The following SEC14L1 variants were observed in gnomAD, a reference collection of about 807,000 sequenced individuals.
SEC14L1 encodes the protein SEC14-like protein 1.
SEC14L1 carries 48 observed loss-of-function variants against 85.3 expected under a neutral mutation model. The ratio of observed to expected loss-of-function variants is 0.56; its 90% CI spans 0.45 to 0.72. The LOEUF (loss-of-function observed/expected upper bound fraction) is 0.72, where lower values mean the gene tolerates loss of function less well. Among genes scored for constraint, SEC14L1 ranks in the 30% least tolerant of loss-of-function variants. The pLI is 0.00. For synonymous variants in SEC14L1, 391 were observed against 355.5 expected (o/e 1.10, Z -1.12); for missense variants, 682 against 921.4 (o/e 0.74, Z 3.36).
At chr17:77,103,342 A>G (rs1598220464) in intron 3 of SEC14L1, among the ~76,000 whole-genome samples, 1 of 150,590 alleles carries the variant, frequency 6.6e-6, no homozygotes, top group African/African-American at 2.4e-5. Context: ...AGAACTCCTG[A>G]CCTCAGGTGA....
chr17:77,209,757 G>T, intron 14 of SEC14L1: 2 of 303,600 alleles, frequency 6.6e-6, no homozygotes, highest in South Asian at 7.4e-5. Context: ...CACAGAGATA[G>T]GAATAGCTAA....
intron 3 of SEC14L1, among the ~76,000 whole-genome samples, chr17:77,110,746 T>A (rs1169069853): frequency 6.6e-6 from 1 of 150,926 alleles, no homozygotes; most frequent in Non-Finnish European, 1.5e-5. Context: ...TAACTGGGCG[T>A]GTTGGCAGGC....
chr17:77,139,777 C>T (rs1972918798), upstream of SEC14L1, among the ~76,000 whole-genome samples: 1 of 152,064 alleles, frequency 6.6e-6, no homozygotes, highest in Non-Finnish European at 1.5e-5. Context: ...AGATTACAGG[C>T]GTGAGCCACC....
chr17:77,193,613 T>C (rs1029675043), intron 6 of SEC14L1, 64 bp downstream of exon 6: 2 of 1,528,866 alleles, frequency 1.3e-6, no homozygotes, highest in Non-Finnish European at 1.8e-6. Flanking sequence ...ACCATCTTTT[T>C]GGAAGGCTGG....
chr17:77,199,763 A>G (rs763578966), intron 8 of SEC14L1, among the ~76,000 whole-genome samples: 2 of 152,238 alleles, frequency 1.3e-5, no homozygotes, highest in Non-Finnish European at 2.9e-5. Flanking sequence ...ATGAAATACT[A>G]TAAAGATTAT....
At chr17:77,098,426 G>A (rs1351342537) in intron 3 of SEC14L1, among the ~76,000 whole-genome samples, 2 of 152,030 alleles carry the variant, frequency 1.3e-5, no homozygotes, top group Non-Finnish European at 2.9e-5. Flanking sequence ...CAGAACCCAG[G>A]AGGCAGAGGT....
intron 7 of SEC14L1, among the ~76,000 whole-genome samples, chr17:77,195,381 C>T (rs1017487273): frequency 6.6e-6 from 1 of 151,748 alleles, no homozygotes; most frequent in Non-Finnish European, 1.5e-5. Context: ...TGCAGTGGTG[C>T]CATCTTGGCT....
chr17:77,204,829 A>G (rs934308231), intron 10 of SEC14L1, among the ~76,000 whole-genome samples: 13 of 152,150 alleles, frequency 8.5e-5, no homozygotes, highest in African/African-American at 2.9e-4. Context: ...CTTTATCTAC[A>G]GGGGAGGGGT....
intron 3 of SEC14L1, among the ~76,000 whole-genome samples, chr17:77,133,330 T>A (rs1449241326): frequency 2.0e-5 from 3 of 152,210 alleles, no homozygotes; most frequent in Non-Finnish European, 2.9e-5. Context: ...TACCTCAGGT[T>A]AATCCTGCCG....
Position 77,215,073 on chromosome 17 carries a change from G to A in SEC14L1, c.*1050G>A. ...ATTGTGGACTCATGCGTGTGTGTGTGTGCATGTGCTGTGTGTGTGCATGTG... is the reference window on the plus strand; with the variant it reads ...ATTGTGGACTCATGCGTGTGTGTGTATGCATGTGCTGTGTGTGTGCATGTG... On this transcript the variant is annotated 3_prime_UTR_variant, in exon 17 of 17. Coordinates refer to ENST00000436233, the MANE Select transcript of SEC14L1 (RefSeq NM_001143998.2). 5.2e-6 allele frequency: 5 copies of A among 953,884 alleles called. No individual in the cohort carries two copies. The highest frequency in any genetic ancestry group is 6.2e-6 in the Non-Finnish European group (5 of 801,204). The allele number at this position is 953,884 out of a possible 1,614,324, so 59.1% of individuals were successfully genotyped here.
At chr17:77,186,157 C>CT (rs1975257156) in intron 3 of SEC14L1, among the ~76,000 whole-genome samples, 2 of 152,138 alleles carry the variant, frequency 1.3e-5, no homozygotes. Context: ...TCCATCCCAG[C>CT]TCCTGGAGAG....
At chr17:77,170,292 A>G (rs1042575555) in intron 3 of SEC14L1, among the ~76,000 whole-genome samples, 1 of 152,056 alleles carries the variant, frequency 6.6e-6, no homozygotes, top group African/African-American at 2.4e-5. Context: ...TCTGGAGAGG[A>G]TGGTGCTCTT....
intron 3 of SEC14L1, among the ~76,000 whole-genome samples, chr17:77,127,663 T>C (rs1197956041): frequency 1.3e-5 from 2 of 152,156 alleles, no homozygotes; most frequent in African/African-American, 2.4e-5. Context: ...GGGTTTTTTT[T>C]CTAACCAGCT....
At chr17:77,207,736 G>GCCA (rs1976540315) in intron 13 of SEC14L1, among the ~76,000 whole-genome samples, 1 of 152,172 alleles carries the variant, frequency 6.6e-6, no homozygotes, top group South Asian at 2.1e-4. Flanking sequence ...ACAGGCATGA[G>GCCA]CCACCATGCC....
rs558225242 is a variant in SEC14L1, at chr17:77,207,274, C to T, written c.1476+412C>T. On this transcript the variant is annotated intron_variant, in intron 13 of 16. Transcript: ENST00000436233. ...ATGGAGACAGGGTCCGGCTCTGTCA[C>T]CCAGGCTGGAGTGCAGTGGTGCGAT... is the stretch of plus-strand genomic sequence containing the variant. 3.4e-5 allele frequency among the ~76,000 whole-genome samples: 5 copies of T among 148,114 alleles called. No individual in the cohort carries two copies. The East Asian group carries it at 1.1e-3, about 31-fold the overall frequency.
Position 77,216,527 on chromosome 17 carries a change from T to G in SEC14L1, c.*2504T>G, listed in dbSNP as rs1042918094. On this transcript the variant is annotated 3_prime_UTR_variant, in exon 17 of 17. Coordinates refer to ENST00000436233, the MANE Select transcript of SEC14L1 (RefSeq NM_001143998.2). ...GCCTGAAGGTGGTCCCTGCTTTCTC[T>G]TTCTCTTTCTCTGTGTCTCAGATGG... The G allele has an allele frequency of 6.2e-7, 1 of 1,613,204 alleles. No homozygotes were observed. The highest frequency in any genetic ancestry group is 1.1e-5 in the South Asian group (1 of 91,076).
intron 3 of SEC14L1, among the ~76,000 whole-genome samples, chr17:77,102,639 G>A (rs1971804784): frequency 6.6e-6 from 1 of 151,912 alleles, no homozygotes; most frequent in African/African-American, 2.4e-5. Context: ...GAGTAGCTGG[G>A]ATTACAGGCA....
intron 3 of SEC14L1, among the ~76,000 whole-genome samples, chr17:77,126,596 C>T (rs1239605110): frequency 6.6e-6 from 1 of 152,174 alleles, no homozygotes; most frequent in African/African-American, 2.4e-5. Context: ...GGCTGGTTCC[C>T]AGAGAAGCCC....
At chr17:77,187,590 A>G (rs927546466) in intron 3 of SEC14L1, among the ~76,000 whole-genome samples, 1 of 151,932 alleles carries the variant, frequency 6.6e-6, no homozygotes, top group African/African-American at 2.4e-5. Context: ...GTTGGTCAGG[A>G]TGGTCTCAAA....
Sources: gnomAD v4.1 joint callset for allele counts (sites outside exome capture counted in the v4.1 genomes callset) on GRCh38, gnomAD v4.1.1 for gene constraint, MANE v1.5 for transcripts, NCBI Gene and HGNC (gene_info 2026-07-23, HGNC 2026-07-21) for gene names.